DSG1: variants seen among roughly 807,000 people sequenced by gnomAD.
DSG1 encodes the protein desmoglein 1, also known as desmoglein-1.
A neutral mutation model predicts 97.5 loss-of-function variants in DSG1; 39 were observed. The observed-to-expected ratio is 0.40, with a 90% confidence interval of 0.31 to 0.52. The LOEUF (loss-of-function observed/expected upper bound fraction) is 0.52, where lower values mean the gene tolerates loss of function less well. DSG1 is among the 20% of genes least tolerant of loss of function. The probability of loss-of-function intolerance (pLI) is 0.53; values close to 1 mark genes in which losing one functional copy is unlikely to be tolerated. For synonymous variants in DSG1, 475 were observed against 443.4 expected, an observed-to-expected ratio of 1.07 and a Z score of -0.90; for missense variants, 1,311 against 1,295.4, an observed-to-expected ratio of 1.01 and a Z score of -0.18.
Position 31,356,881 on chromosome 18 carries a change from C to T in DSG1, c.*1535C>T, listed in dbSNP as rs1480898949. The T allele has an allele frequency of 6.6e-6, 1 of 152,002 alleles. No individual in the cohort carries two copies. The highest frequency in any genetic ancestry group is 1.9e-4 in the East Asian group (1 of 5,198). The allele number at this position is 152,002 out of a possible 1,614,324, so 9.4% of individuals were successfully genotyped here. ...TGTAGTATTACCCAATTAAAAATCT[C>T]TAAAAAGAATTAAAGCATTCTAAGA... On this transcript the variant is annotated 3_prime_UTR_variant, in exon 15 of 15. Transcript: ENST00000257192.
intron 11 of DSG1, among the ~76,000 whole-genome samples, chr18:31,342,681 A>G (rs1002830393): frequency 6.6e-5 from 10 of 152,204 alleles, no homozygotes; most frequent in Admixed American, 3.3e-4. Flanking sequence ...AGGGGGAAAT[A>G]GCCTCACAGA....
Position 31,328,191 on chromosome 18 carries a change from T to A in DSG1, c.219T>A (p.Ile73=). The A allele has an allele frequency of 6.2e-7, 1 of 1,613,360 alleles. No individual in the cohort carries two copies. Among genetic ancestry groups the A allele is most frequent in the Non-Finnish European group, 8.5e-7 (1 of 1,179,424 alleles). ...TTTTACTTGTGTTCCTTCTGCAGATTCACTCAGATTGTGCTGCAAACCAGC... is the reference window on the plus strand; with the variant it reads ...TTTTACTTGTGTTCCTTCTGCAGATACACTCAGATTGTGCTGCAAACCAGC... ...DNSKRNPIAK[I]HSDCAANQQV... Residue 73 remains isoleucine (I), a splice_region_variant and synonymous_variant, in exon 4 of 15, where the codon ATT becomes ATA. Coordinates refer to ENST00000257192, the MANE Select transcript of DSG1 (RefSeq NM_001942.4).
intron 3 of DSG1, 130 bp from the exon 4 acceptor site, chr18:31,328,058 AT>A: frequency 1.1e-6 from 1 of 871,998 alleles, no homozygotes; most frequent in Non-Finnish European, 1.7e-6. Flanking sequence ...ATCTAGGAAA[AT>A]AATCTCCATT....
chr18:31,337,261 T>G (rs28542247), intron 9 of DSG1, among the ~76,000 whole-genome samples: 25,815 of 149,432 alleles, frequency 0.17, 3,793 homozygotes, highest in African/African-American at 0.42. Context: ...TTGTTTGTTG[T>G]TTGTTTGTTT....
At position 31,343,965 on chromosome 18, in the gene DSG1, G is replaced by C; in HGVS notation, c.1861G>C (p.Ala621Pro). 1 of 1,613,016 alleles carries C rather than the reference G, an allele frequency of 6.2e-7. No individual in the cohort carries two copies. The highest frequency in any genetic ancestry group is 1.3e-5 in the African/African-American group (1 of 74,948). ...CATACCACAAATACCACCTGATAAC[G>C]CAAATATAATTGAATGCATTGACAA... ...TVIPQIPPDNANIIECIDNSG... is the reference protein window; with the variant it reads ...TVIPQIPPDNPNIIECIDNSG... The change falls in exon 13 of 15, where the codon GCA becomes CCA. Residue 621 changes from alanine to proline, a missense_variant. This residue lies in a region of DSG1 where 1,038 missense variants were observed against 964.6 expected (regional missense o/e 1.08). Coordinates refer to ENST00000257192, the MANE Select transcript of DSG1 (RefSeq NM_001942.4).
chr18:31,318,469 A>T (rs906940282), intron 1 of DSG1, 121 bp downstream of exon 1: 1 of 829,852 alleles, frequency 1.2e-6, no homozygotes. Flanking sequence ...TATATTAATG[A>T]CAAGATGATT....
In DSG1 at chr18:31,345,993, T is replaced by G. The variant is rs765332094; in HGVS notation, c.1895T>G (p.Val632Gly). ...TTAATTTGATCAACACTTTTAGGAG[T>G]TTATACAAATGAGTATGGTGGCAGA... ...NIIECIDNSG[V>G]YTNEYGGREM... Residue 632 changes from valine (V) to glycine (G), a missense_variant, in exon 14 of 15, where the codon GTT (valine) becomes GGT (glycine). Val to Gly is a moderately radical substitution (Grantham distance 109). Transcript: ENST00000257192. The G allele has an allele frequency of 1.2e-6, 2 of 1,612,770 alleles. No individual in the cohort carries two copies. The highest frequency in any genetic ancestry group is 4.5e-5 in the East Asian group (2 of 44,816).
chr18:31,356,200 T>C lies in DSG1; in HGVS notation c.*854T>C, dbSNP rs1271215707. 2 of 152,238 alleles carry C rather than the reference T, an allele frequency of 1.3e-5. No individual in the cohort carries two copies. The highest frequency in any genetic ancestry group is 2.4e-5 in the African/African-American group (1 of 41,466). The allele number at this position is 152,238 out of a possible 1,614,324, so 9.4% of individuals were successfully genotyped here. The stretch of plus-strand genomic sequence containing the variant: ...AAACTCACTAAGTTTACTTCTCGAA[T>C]TGAAGCAAGTGAGGCCTGACATGGT... On this transcript the variant is annotated 3_prime_UTR_variant, in exon 15 of 15. Coordinates refer to ENST00000257192, the MANE Select transcript of DSG1 (RefSeq NM_001942.4).
chr18:31,351,572 T>G (rs960835783), intron 14 of DSG1, among the ~76,000 whole-genome samples: 2 of 151,586 alleles, frequency 1.3e-5, no homozygotes, highest in Admixed American at 6.6e-5. Context: ...AGTGGGGTGT[T>G]AAAGTCTCCC....
At chr18:31,331,674 T>C (rs188546846) in intron 5 of DSG1, 27 bp from the exon 6 acceptor site, 1 of 1,608,256 alleles carries the variant, frequency 6.2e-7, no homozygotes, top group Admixed American at 1.7e-5. Context: ...AATCACCCAT[T>C]TGCAATCAAT....
At chr18:31,332,545 GT>G in intron 6 of DSG1, among the ~76,000 whole-genome samples, 1 of 151,862 alleles carries the variant, frequency 6.6e-6, no homozygotes, top group Non-Finnish European at 1.5e-5. Flanking sequence ...TTATGATTTA[GT>G]TTTAAAATAA....
chr18:31,324,535 A>G (rs965923988), intron 1 of DSG1, among the ~76,000 whole-genome samples: 2 of 152,152 alleles, frequency 1.3e-5, no homozygotes, highest in African/African-American at 2.4e-5. Context: ...CCCAGGCATT[A>G]TCTGGCATCT....
chr18:31,332,545 G>C (rs2071727458), intron 6 of DSG1, among the ~76,000 whole-genome samples: 1 of 151,982 alleles, frequency 6.6e-6, no homozygotes, highest in South Asian at 2.1e-4. Flanking sequence ...TTATGATTTA[G>C]TTTTAAAATA....
rs752417138 is a variant in DSG1, at chr18:31,328,173, T to C, written c.217-16T>C. On this transcript the variant is annotated splice_polypyrimidine_tract_variant and intron_variant, in intron 3 of 14. Coordinates refer to ENST00000257192, the MANE Select transcript of DSG1 (RefSeq NM_001942.4). ...ATTTGCTCCCTCTAATATTTTTACT[T>C]GTGTTCCTTCTGCAGATTCACTCAG... 6.8e-6 allele frequency: 11 copies of C among 1,612,822 alleles called. No individual in the cohort carries two copies. The African/African-American group carries it at 9.3e-5, about 14-fold the overall frequency.
intron 14 of DSG1, among the ~76,000 whole-genome samples, chr18:31,352,529 T>C (rs2071907410): frequency 6.6e-6 from 1 of 150,518 alleles, no homozygotes; most frequent in Non-Finnish European, 1.5e-5. Context: ...CTTGCTAGAT[T>C]GGGGAAGTTC....
intron 9 of DSG1, among the ~76,000 whole-genome samples, chr18:31,337,194 G>A (rs2071761125): frequency 1.3e-5 from 2 of 152,174 alleles, no homozygotes; most frequent in South Asian, 4.1e-4. Flanking sequence ...GTGACAAGAA[G>A]AATGGGAGAA....
chr18:31,338,787 A>C (rs978604539), intron 10 of DSG1, among the ~76,000 whole-genome samples: 3 of 152,218 alleles, frequency 2.0e-5, no homozygotes, highest in African/African-American at 7.2e-5. Flanking sequence ...TAATGATAAA[A>C]ATAGCAACAA....
At chr18:31,329,209 G>A (rs2071705489) in intron 4 of DSG1, among the ~76,000 whole-genome samples, 1 of 151,874 alleles carries the variant, frequency 6.6e-6, no homozygotes, top group Non-Finnish European at 1.5e-5. Flanking sequence ...CCTTCTGCTG[G>A]CTCCTTGGCT....
In DSG1 at chr18:31,354,855, C is replaced by T. The variant is rs1463828394; in HGVS notation, c.2659C>T (p.Arg887Ter). ...LHGMLEMPDL[R>*]DGSNVIVTER... The stretch of plus-strand genomic sequence containing the variant: ...TGGAATGTTAGAGATGCCTGACTTG[C>T]GAGATGGGTCGAATGTTATAGTGAC... The change falls in exon 15 of 15, where the codon CGA becomes TGA. Residue 887 changes from arginine to a stop codon, truncating the protein, a stop_gained. Transcript: ENST00000257192. LOFTEE classifies it high-confidence loss of function. 4.3e-6 allele frequency: 7 copies of T among 1,614,122 alleles called. No individual in the cohort carries two copies. The highest frequency in any genetic ancestry group is 1.6e-4 in the Middle Eastern group (1 of 6,062).
Sources: allele counts gnomAD v4.1 joint callset (sites outside exome capture counted in the v4.1 genomes callset), GRCh38; gene constraint gnomAD v4.1.1; regional missense constraint gnomAD v4.1.1; transcripts MANE v1.5; gene names NCBI Gene and HGNC (gene_info 2026-07-23, HGNC 2026-07-21).